The following TMEM117 variants were observed in gnomAD, a reference collection of about 807,000 sequenced individuals.
TMEM117 encodes transmembrane protein 117.
TMEM117 carries 27 observed loss-of-function variants against 52.4 expected under a neutral mutation model. The observed-to-expected ratio is 0.51, with a 90% confidence interval of 0.38 to 0.71. TMEM117 has a LOEUF of 0.71. TMEM117 is among the 30% of genes least tolerant of loss of function. The pLI is 0.00. For synonymous variants in TMEM117, 215 were observed against 206.3 expected, an observed-to-expected ratio of 1.04 and a Z score of -0.36; for missense variants, 556 against 630.5, an observed-to-expected ratio of 0.88 and a Z score of 1.26.
intron 3 of TMEM117, among the ~76,000 whole-genome samples, chr12:44,085,084 C>A (rs1743199827): frequency 6.6e-6 from 1 of 152,156 alleles, no homozygotes; most frequent in Non-Finnish European, 1.5e-5. Context: ...TGTTAGAAAT[C>A]TTGACACATT....
chr12:44,288,372 A>T (rs1470972887), intron 5 of TMEM117, among the ~76,000 whole-genome samples: 1 of 152,206 alleles, frequency 6.6e-6, no homozygotes, highest in East Asian at 1.9e-4. Flanking sequence ...AATATCAGGC[A>T]GAATACCTCC....
At chr12:43,988,386 A>G (rs539309313) in intron 3 of TMEM117, among the ~76,000 whole-genome samples, 185 of 152,222 alleles carry the variant, frequency 1.2e-3, no homozygotes, top group African/African-American at 4.1e-3. Flanking sequence ...ATGTCCATAT[A>G]TATCACACAC....
chr12:44,038,647 CT>C (rs1159314123), intron 3 of TMEM117, among the ~76,000 whole-genome samples: 2 of 152,216 alleles, frequency 1.3e-5, no homozygotes, highest in Admixed American at 6.5e-5. Flanking sequence ...AAAGGTGCCC[CT>C]GGCCACAGAG....
intron 3 of TMEM117, among the ~76,000 whole-genome samples, chr12:44,131,168 G>GTAAA (rs539885243): frequency 1.3e-5 from 2 of 152,028 alleles, no homozygotes; most frequent in Admixed American, 1.3e-4. Flanking sequence ...GTTTAAGCAT[G>GTAAA]GTGTTAGCTC....
intron 2 of TMEM117, among the ~76,000 whole-genome samples, chr12:43,907,137 A>T (rs2137520812): frequency 6.6e-6 from 1 of 152,312 alleles, no homozygotes; most frequent in South Asian, 2.1e-4. Context: ...CCCAGCACGC[A>T]GCTGGAGATC....
chr12:44,098,728 T>A (rs1405730476), intron 3 of TMEM117, among the ~76,000 whole-genome samples: 1 of 152,082 alleles, frequency 6.6e-6, no homozygotes, highest in African/African-American at 2.4e-5. Context: ...CTGGGCTCAT[T>A]GGTGACACTC....
chr12:44,313,826 G>C (rs1951020722), intron 6 of TMEM117, among the ~76,000 whole-genome samples: 1 of 152,102 alleles, frequency 6.6e-6, no homozygotes, highest in African/African-American at 2.4e-5. Context: ...TATATCCTTA[G>C]TTGGTTGTAT....
chr12:44,395,142 C>T, the TMEM117 span, among the ~76,000 whole-genome samples: 1 of 152,152 alleles, frequency 6.6e-6, no homozygotes, highest in African/African-American at 2.4e-5. Flanking sequence ...AACAATTACT[C>T]TTCAAGCTTG....
intron 2 of TMEM117, among the ~76,000 whole-genome samples, chr12:43,890,646 C>T (rs1944086211): frequency 6.6e-6 from 1 of 152,086 alleles, no homozygotes. Context: ...ATTCTCCTGT[C>T]TCAGCCTCCC....
chr12:44,159,310 GC>G (rs1264421212), intron 4 of TMEM117, among the ~76,000 whole-genome samples: 1 of 151,980 alleles, frequency 6.6e-6, no homozygotes, highest in South Asian at 2.1e-4. Context: ...AACATTATTT[GC>G]CAGCTTGTTG....
At chr12:44,229,004 C>T (rs74569781) in intron 5 of TMEM117, among the ~76,000 whole-genome samples, 2,021 of 152,060 alleles carry the variant, frequency 0.013, 49 homozygotes, top group African/African-American at 0.046. Flanking sequence ...TTGGCTTGGA[C>T]GAAAGTGGCA....
At chr12:43,939,023 T>G (rs1183507281) in intron 2 of TMEM117, among the ~76,000 whole-genome samples, 1 of 150,722 alleles carries the variant, frequency 6.6e-6, no homozygotes, top group African/African-American at 2.4e-5. Context: ...AAATAAAAAA[T>G]AAAAAAAGAA....
chr12:43,990,878 C>T (rs1945927248), intron 3 of TMEM117, among the ~76,000 whole-genome samples: 1 of 152,190 alleles, frequency 6.6e-6, no homozygotes, highest in African/African-American at 2.4e-5. Flanking sequence ...TCCCTAATTC[C>T]ATTCTAAAAT....
intron 3 of TMEM117, among the ~76,000 whole-genome samples, chr12:44,019,597 C>T (rs966818395): frequency 1.3e-5 from 2 of 152,012 alleles, no homozygotes; most frequent in Non-Finnish European, 2.9e-5. Flanking sequence ...TTAATGTGCT[C>T]ATTATTTCAA....
chr12:44,367,243 T>C, intron 6 of TMEM117, among the ~76,000 whole-genome samples: 1 of 152,094 alleles, frequency 6.6e-6, no homozygotes, highest in East Asian at 1.9e-4. Context: ...CCTCCCATTT[T>C]CTCTTGAACC....
intron 4 of TMEM117, among the ~76,000 whole-genome samples, chr12:44,178,458 C>T (rs752285158): frequency 1.3e-5 from 2 of 152,118 alleles, no homozygotes; most frequent in Non-Finnish European, 2.9e-5. Context: ...CTGTCAGCTC[C>T]CTGTCACCTG....
chr12:44,147,922 ACT>A (rs1948667547), intron 4 of TMEM117, among the ~76,000 whole-genome samples: 1 of 147,750 alleles, frequency 6.8e-6, no homozygotes, highest in African/African-American at 2.5e-5. Flanking sequence ...ATAGAGCGAG[ACT>A]CTGTCTCAAA....
At chr12:43,936,921 A>G (rs1288808993) in intron 2 of TMEM117, among the ~76,000 whole-genome samples, 3 of 152,186 alleles carry the variant, frequency 2.0e-5, no homozygotes, top group African/African-American at 7.2e-5. Flanking sequence ...GTTCAAGGAC[A>G]TTGTTTTTAG....
the TMEM117 span, chr12:43,806,003 C>A: frequency 6.5e-7 from 1 of 1,529,668 alleles, no homozygotes; most frequent in Non-Finnish European, 8.8e-7. Context: ...TCGGATCAAT[C>A]TGCAACGTGA....
Sources: allele counts gnomAD v4.1 joint callset (sites outside exome capture counted in the v4.1 genomes callset), GRCh38; gene constraint gnomAD v4.1.1; transcripts MANE v1.5; gene names NCBI Gene and HGNC (gene_info 2026-07-23, HGNC 2026-07-21).